The following NSMAF variants were observed in gnomAD, a reference collection of about 807,000 sequenced individuals.
NSMAF encodes the protein protein FAN.
In NSMAF, 90 loss-of-function variants were observed where a neutral mutation model predicts 134.9. The observed-to-expected ratio is 0.67, with a 90% CI of 0.56 to 0.79. The LOEUF is 0.79. NSMAF is among the 30% of genes least tolerant of loss of function. The probability of loss-of-function intolerance (pLI) is 0.00; values close to 1 mark genes in which losing one functional copy is unlikely to be tolerated. For missense variants in NSMAF, 1,010 were observed against 1,119.0 expected (o/e 0.90, Z 1.39); for synonymous variants, 358 against 389.6 (o/e 0.92, Z 0.96).
intron 16 of NSMAF, chr8:58,600,318 T>C: frequency 5.9e-6 from 2 of 340,960 alleles, no homozygotes; most frequent in Non-Finnish European, 5.3e-6. Flanking sequence ...GCAGGGTGCC[T>C]CCACACTGAA....
At chr8:58,635,664 T>C (rs1807158135) in intron 2 of NSMAF, 118 bp from the exon 3 acceptor site, 1 of 641,464 alleles carries the variant, frequency 1.6e-6, no homozygotes. Flanking sequence ...AGATCAATAA[T>C]GCATATAAAG....
chr8:58,615,776 A>C (rs1806641599), intron 9 of NSMAF, among the ~76,000 whole-genome samples: 1 of 152,196 alleles, frequency 6.6e-6, no homozygotes, highest in Non-Finnish European at 1.5e-5. Context: ...TACAAGAATA[A>C]GTTTAAACCC....
intron 14 of NSMAF, 146 bp downstream of exon 14, chr8:58,601,912 C>CGTGA (rs1424539448): frequency 1.6e-6 from 1 of 623,990 alleles, no homozygotes; most frequent in Non-Finnish European, 2.7e-6. Flanking sequence ...AGCTAATTCA[C>CGTGA]GGTCAGGAGA....
At chr8:58,612,092 C>A (rs978577879) in intron 9 of NSMAF, among the ~76,000 whole-genome samples, 2 of 152,130 alleles carry the variant, frequency 1.3e-5, no homozygotes, top group Non-Finnish European at 2.9e-5. Flanking sequence ...ACCTCCTAAT[C>A]TCTTGGAATT....
chr8:58,584,793 C>T (rs1805847723), intron 30 of NSMAF, among the ~76,000 whole-genome samples: 1 of 152,116 alleles, frequency 6.6e-6, no homozygotes, highest in Non-Finnish European at 1.5e-5. Flanking sequence ...TGTGTCACCA[C>T]ACTTTTCTAA....
intron 1 of NSMAF, among the ~76,000 whole-genome samples, chr8:58,645,126 A>G (rs1018041516): frequency 6.6e-6 from 1 of 152,100 alleles, no homozygotes; most frequent in Non-Finnish European, 1.5e-5. Flanking sequence ...AAAAAAAAAA[A>G]AAAGAAATTG....
Position 58,583,821 on chromosome 8 carries a change from T to C in NSMAF, c.*285A>G. On this transcript the variant is annotated 3_prime_UTR_variant, in exon 31 of 31. Transcript: ENST00000038176. The stretch of plus-strand genomic sequence containing the variant: ...AGCCCAATTTATCTCTTAGCTATTC[T>C]CTGCTACTTAGTCCTGTCTTCTGAC... 2.7e-6 allele frequency: 1 copy of C among 365,582 alleles called. No individual in the cohort carries two copies. Among genetic ancestry groups the C allele is most frequent in the East Asian group, 6.8e-5 (1 of 14,732 alleles). 22.6% of individuals were successfully genotyped at this position (365,582 alleles called of 1,614,324 possible).
Position 58,589,488 on chromosome 8 carries a change from G to C in NSMAF, c.2175C>G (p.Asn725Lys). ...AGTCCCACGATGCAGAATATAGCCT[G>C]TTGTCATGCCAACAGATCTTACTAA... ...DAVSKICWHD[N>K]RLYSASWDST... The change falls in exon 26 of 31, where the codon AAC becomes AAG. Residue 725 changes from asparagine to lysine, a missense_variant. Coordinates refer to ENST00000038176, the MANE Select transcript of NSMAF (RefSeq NM_003580.4). The C allele has an allele frequency of 6.4e-7, 1 of 1,559,682 alleles. No homozygotes were observed. Among genetic ancestry groups the C allele is most frequent in the Non-Finnish European group, 8.6e-7 (1 of 1,162,016 alleles).
At chr8:58,629,197 GTAC>G (rs1807002880) in intron 6 of NSMAF, among the ~76,000 whole-genome samples, 2 of 152,164 alleles carry the variant, frequency 1.3e-5, no homozygotes, top group Admixed American at 6.5e-5. Context: ...TGTGTCATTA[GTAC>G]TTTAGGCTTT....
At chr8:58,653,337 T>C (rs955900872) in intron 1 of NSMAF, among the ~76,000 whole-genome samples, 46 of 152,286 alleles carry the variant, frequency 3.0e-4, no homozygotes, top group Middle Eastern at 3.4e-3. Context: ...TGAATTCAGA[T>C]ATATTTGTAA....
At chr8:58,600,621 C>CAG (rs766116247) in intron 16 of NSMAF, among the ~76,000 whole-genome samples, 16 of 44,696 alleles carry the variant, frequency 3.6e-4, no homozygotes, top group African/African-American at 1.3e-3. Context: ...GACTCTGTCT[C>CAG]AAAAAAAAAA....
chr8:58,590,233 T>C (rs1805991884), intron 24 of NSMAF, among the ~76,000 whole-genome samples, 159 bp from the exon 25 acceptor site: 1 of 152,226 alleles, frequency 6.6e-6, no homozygotes, highest in Non-Finnish European at 1.5e-5. Flanking sequence ...TAATTCCAGC[T>C]GTAGGGTTTT....
chr8:58,594,753 C>T (rs953778264), intron 22 of NSMAF: 1 of 159,944 alleles, frequency 6.3e-6, no homozygotes, highest in Non-Finnish European at 1.4e-5. Flanking sequence ...ATTACAAGGT[C>T]CCTTCCTATG....
chr8:58,635,414 T>C (rs779818705), intron 3 of NSMAF, 42 bp from the exon 4 acceptor site: 9 of 1,572,138 alleles, frequency 5.7e-6, no homozygotes, highest in Non-Finnish European at 7.8e-6. Context: ...TCAAGAAAGG[T>C]AAGACATACA....
At chr8:58,656,472 A>G (rs2129149175) in intron 1 of NSMAF, among the ~76,000 whole-genome samples, 1 of 152,372 alleles carries the variant, frequency 6.6e-6, no homozygotes, top group East Asian at 1.9e-4. Flanking sequence ...ATGTTTAGCA[A>G]ATAAAAATAT....
chr8:58,605,086 G>A (rs1806373474), intron 12 of NSMAF, among the ~76,000 whole-genome samples: 1 of 152,066 alleles, frequency 6.6e-6, no homozygotes, highest in Admixed American at 6.5e-5. Context: ...CAGTTATCTA[G>A]CAACTTTGTA....
At chr8:58,588,453 C>T (rs1295969543) in intron 26 of NSMAF, 2 of 1,242,370 alleles carry the variant, frequency 1.6e-6, no homozygotes, top group Non-Finnish European at 2.3e-6. Flanking sequence ...GGGCAGCACC[C>T]GCAGGTCTAA....
In NSMAF at chr8:58,659,662, A is replaced by T. The variant is rs971208193; in HGVS notation, c.-31T>A. Reference sequence around the variant, plus strand: ...GTAGGCGCGGGCGGGCGCAGAGCGCACAGGCAGGCCCCGCCGCCGCCTGCC... The same window carrying T: ...GTAGGCGCGGGCGGGCGCAGAGCGCTCAGGCAGGCCCCGCCGCCGCCTGCC... On this transcript the variant is annotated 5_prime_UTR_variant, in exon 1 of 31. Transcript: ENST00000038176. 2 of 1,394,604 alleles carry T rather than the reference A, an allele frequency of 1.4e-6. No individual in the cohort carries two copies. The highest frequency in any genetic ancestry group is 2.5e-4 in the Middle Eastern group (1 of 4,080). 86.4% of individuals were successfully genotyped at this position (1,394,604 alleles called of 1,614,324 possible).
chr8:58,584,066 A>G lies in NSMAF; in HGVS notation c.*40T>C, dbSNP rs751665979. 3 of 1,459,578 alleles carry G rather than the reference A, an allele frequency of 2.1e-6. No individual in the cohort carries two copies. The highest frequency in any genetic ancestry group is 2.9e-6 in the Non-Finnish European group (3 of 1,039,592). The allele number at this position is 1,459,578 out of a possible 1,614,324, so 90.4% of individuals were successfully genotyped here. On this transcript the variant is annotated 3_prime_UTR_variant, in exon 31 of 31. Transcript: ENST00000038176. ...TAAAAGTTTGGTTTAAAAATGCATT[A>G]AATAGAGTTCAATTTAATATTCAGG...
Sources: allele counts gnomAD v4.1 joint callset (sites outside exome capture counted in the v4.1 genomes callset), GRCh38; gene constraint gnomAD v4.1.1; transcripts MANE v1.5; gene names NCBI Gene and HGNC (gene_info 2026-07-23, HGNC 2026-07-21).